The following ERC2 variants were observed in gnomAD, a reference collection of about 807,000 sequenced individuals.
The protein encoded by ERC2 is ELKS/RAB6-interacting/CAST family member 2.
A neutral mutation model predicts 114.8 loss-of-function variants in ERC2; 42 were observed. The observed-to-expected ratio is 0.37, with a 90% CI of 0.29 to 0.47. The LOEUF (loss-of-function observed/expected upper bound fraction) is 0.47, where lower values mean the gene tolerates loss of function less well. Ranked by LOEUF, ERC2 falls within the 20% of genes least tolerant of loss-of-function variation. The probability of loss-of-function intolerance (pLI) is 0.99; values close to 1 mark genes in which losing one functional copy is unlikely to be tolerated. For missense variants in ERC2, 939 were observed against 1,150.7 expected (o/e 0.82, Z 2.66); for synonymous variants, 454 against 425.5 (o/e 1.07, Z -0.82).
At chr3:55,770,912 T>C (rs968637716) in intron 14 of ERC2, among the ~76,000 whole-genome samples, 10 of 152,056 alleles carry the variant, frequency 6.6e-5, no homozygotes, top group African/African-American at 2.4e-4. Context: ...TTTCTGTTCC[T>C]GTGTTAGTTT....
intron 3 of ERC2, among the ~76,000 whole-genome samples, chr3:56,275,641 T>C (rs2053940165): frequency 6.6e-6 from 1 of 152,178 alleles, no homozygotes; most frequent in South Asian, 2.1e-4. Context: ...GAAGATCTTG[T>C]TACAATGCAG....
intron 17 of ERC2, among the ~76,000 whole-genome samples, chr3:55,673,584 A>G (rs1223457859): frequency 6.6e-6 from 1 of 152,160 alleles, no homozygotes; most frequent in Non-Finnish European, 1.5e-5. Context: ...TCCGTCTCAA[A>G]AAAATAAAAA....
intron 5 of ERC2, among the ~76,000 whole-genome samples, chr3:56,140,362 T>C (rs944751891): frequency 1.3e-5 from 2 of 152,220 alleles, no homozygotes; most frequent in Non-Finnish European, 1.5e-5. Context: ...GCTGATCATA[T>C]ATTTTTGCAT....
At chr3:56,347,495 G>A (rs928657765) in intron 2 of ERC2, among the ~76,000 whole-genome samples, 3 of 151,856 alleles carry the variant, frequency 2.0e-5, no homozygotes, top group Non-Finnish European at 4.4e-5. Flanking sequence ...ACCCAGCCAC[G>A]CTTCCTCACT....
At chr3:56,424,819 A>G (rs1355494637) in intron 2 of ERC2, among the ~76,000 whole-genome samples, 1 of 152,166 alleles carries the variant, frequency 6.6e-6, no homozygotes, top group East Asian at 1.9e-4. Context: ...TCCTTCTGAG[A>G]TTCAGCATTC....
chr3:55,582,600 C>G (rs1211818285), intron 17 of ERC2, among the ~76,000 whole-genome samples: 2 of 152,204 alleles, frequency 1.3e-5, no homozygotes, highest in Non-Finnish European at 2.9e-5. Context: ...AGTTTGTAAG[C>G]AAGCTCAGAC....
chr3:55,977,284 G>A (rs2069667136), intron 12 of ERC2, among the ~76,000 whole-genome samples: 1 of 152,108 alleles, frequency 6.6e-6, no homozygotes, highest in Non-Finnish European at 1.5e-5. Flanking sequence ...AGAGATGACT[G>A]AATACATTTG....
At chr3:55,579,989 G>A (rs188542288) in intron 17 of ERC2, among the ~76,000 whole-genome samples, 97 of 152,342 alleles carry the variant, frequency 6.4e-4, no homozygotes, top group Admixed American at 6.1e-3. Context: ...CACGGCAGTG[G>A]TGAGGGTTTC....
At chr3:55,884,610 C>T (rs1229641016) in intron 14 of ERC2, among the ~76,000 whole-genome samples, 1 of 152,018 alleles carries the variant, frequency 6.6e-6, no homozygotes. Flanking sequence ...AAATGAGCTA[C>T]CTGTAAGAGC....
chr3:56,414,958 T>C (rs1213813076), intron 2 of ERC2, among the ~76,000 whole-genome samples: 1 of 152,194 alleles, frequency 6.6e-6, no homozygotes, highest in Admixed American at 6.5e-5. Context: ...GGAGAGACAA[T>C]GTCCTACGTA....
intron 6 of ERC2, among the ~76,000 whole-genome samples, chr3:56,130,592 C>T (rs570372892): frequency 6.6e-6 from 1 of 152,292 alleles, no homozygotes; most frequent in East Asian, 1.9e-4. Context: ...AAGTACTAGA[C>T]TCTTGACCTG....
intron 12 of ERC2, among the ~76,000 whole-genome samples, chr3:55,957,895 G>A (rs572230423): frequency 3.9e-5 from 6 of 152,298 alleles, no homozygotes; most frequent in African/African-American, 9.6e-5. Context: ...CCCTGGCTCC[G>A]GGAGACCCTA....
At chr3:56,070,282 A>T (rs1242150870) in intron 7 of ERC2, among the ~76,000 whole-genome samples, 1 of 152,198 alleles carries the variant, frequency 6.6e-6, no homozygotes, top group African/African-American at 2.4e-5. Context: ...TGCAGACTGA[A>T]ATATGTAAAG....
At chr3:55,937,567 G>A (rs1310939327) in intron 13 of ERC2, among the ~76,000 whole-genome samples, 1 of 152,182 alleles carries the variant, frequency 6.6e-6, no homozygotes, top group Non-Finnish European at 1.5e-5. Flanking sequence ...TGCACCAGAT[G>A]ATGGAAAAGC....
At chr3:56,196,818 C>G (rs760937072) in intron 3 of ERC2, among the ~76,000 whole-genome samples, 1 of 152,104 alleles carries the variant, frequency 6.6e-6, no homozygotes, top group African/African-American at 2.4e-5. Flanking sequence ...ACCCTTCACC[C>G]CTATAAATGG....
At position 56,322,717 on chromosome 3, in the gene ERC2, G is replaced by A. The variant is rs114391654; in HGVS notation, c.658-26282C>T. On this transcript the variant is annotated intron_variant, in intron 2 of 17. Transcript: ENST00000288221. ...CAGCACAAGGAGGGGAAGCCCAGGC[G>A]AAGACCAGTGGTCTCCCTCATTTAA... Among the ~76,000 whole-genome samples the A allele has an allele frequency of 9.0e-3, 1,378 of 152,278 alleles. 19 individuals are homozygous for A. Among genetic ancestry groups the A allele is most frequent in the African/African-American group, 0.03 (1,257 of 41,542 alleles).
intron 17 of ERC2, among the ~76,000 whole-genome samples, chr3:55,651,472 A>G (rs931483262): frequency 3.9e-5 from 6 of 152,192 alleles, no homozygotes; most frequent in Admixed American, 1.3e-4. Flanking sequence ...GATCGAGCGG[A>G]CACTGATTTT....
intron 12 of ERC2, among the ~76,000 whole-genome samples, chr3:55,979,967 T>C (rs973155603): frequency 4.7e-5 from 7 of 150,392 alleles, no homozygotes; most frequent in African/African-American, 1.2e-4. Context: ...TCTTTTTTTT[T>C]TTTTTTTAAG....
intron 4 of ERC2, 82 bp downstream of exon 4, chr3:56,173,364 T>C: frequency 7.5e-7 from 1 of 1,331,232 alleles, no homozygotes; most frequent in Non-Finnish European, 1.1e-6. Flanking sequence ...ACAAGGTTCA[T>C]TTCATGTTTA....
Sources: gnomAD v4.1 joint callset for allele counts (sites outside exome capture counted in the v4.1 genomes callset) on GRCh38, gnomAD v4.1.1 for gene constraint, MANE v1.5 for transcripts, NCBI Gene and HGNC (gene_info 2026-07-23, HGNC 2026-07-21) for gene names.